DLG2: variants seen among roughly 807,000 people sequenced by gnomAD.
The protein encoded by DLG2 is disks large homolog 2.
A neutral mutation model predicts 132.5 loss-of-function variants in DLG2; 45 were observed. That is an observed-to-expected ratio of 0.34 (90% CI 0.27 to 0.44). DLG2 has a LOEUF of 0.44. Among genes scored for constraint, DLG2 ranks in the 20% least tolerant of loss-of-function variants. DLG2 has a pLI of 1.00. For missense variants in DLG2, 1,045 were observed against 1,196.9 expected (o/e 0.87, Z 1.87); for synonymous variants, 424 against 419.6 (o/e 1.01, Z -0.13).
intron 5 of DLG2, among the ~76,000 whole-genome samples, chr11:85,141,298 T>C (rs1938618061): frequency 2.6e-5 from 4 of 151,910 alleles, no homozygotes; most frequent in Admixed American, 2.6e-4. Flanking sequence ...GTTGTTTTGA[T>C]TTGCATTTCT....
chr11:83,771,067 C>T (rs988956216), intron 18 of DLG2, among the ~76,000 whole-genome samples: 6 of 152,176 alleles, frequency 3.9e-5, no homozygotes, highest in Non-Finnish European at 7.3e-5. Context: ...CACACCCCTC[C>T]CAATAATCTT....
intron 8 of DLG2, among the ~76,000 whole-genome samples, chr11:84,213,763 G>A (rs2096789891): frequency 6.8e-6 from 1 of 147,304 alleles, no homozygotes; most frequent in South Asian, 2.2e-4. Context: ...AGCTTGCAGT[G>A]AGCCGAGACC....
intron 11 of DLG2, among the ~76,000 whole-genome samples, chr11:84,047,345 C>T (rs530620944): frequency 4.0e-5 from 6 of 151,478 alleles, no homozygotes; most frequent in Non-Finnish European, 5.9e-5. Flanking sequence ...AATTAGATGC[C>T]GATACATACC....
At chr11:84,229,044 C>A (rs755598205) in intron 8 of DLG2, among the ~76,000 whole-genome samples, 1 of 152,238 alleles carries the variant, frequency 6.6e-6, no homozygotes, top group Middle Eastern at 3.4e-3. Flanking sequence ...CATATGTACT[C>A]TATAGATGCT....
chr11:85,468,033 T>C (rs1022324242), intron 3 of DLG2, among the ~76,000 whole-genome samples: 2 of 152,206 alleles, frequency 1.3e-5, no homozygotes, highest in African/African-American at 2.4e-5. Flanking sequence ...CCTGGTTTAG[T>C]CTTGGGAGGG....
At chr11:84,257,559 CT>C (rs1567091174) in intron 7 of DLG2, among the ~76,000 whole-genome samples, 2 of 152,186 alleles carry the variant, frequency 1.3e-5, no homozygotes, top group South Asian at 4.1e-4. Context: ...GGTTAAATAA[CT>C]TTCTCAAAGT....
chr11:83,868,174 C>T (rs1401327306), intron 16 of DLG2, among the ~76,000 whole-genome samples: 1 of 152,140 alleles, frequency 6.6e-6, no homozygotes, highest in South Asian at 2.1e-4. Context: ...GATCTATCTC[C>T]CCCACCCAGG....
intron 17 of DLG2, among the ~76,000 whole-genome samples, chr11:83,805,742 CCCTA>C (rs1189487546): frequency 6.6e-6 from 1 of 152,106 alleles, no homozygotes; most frequent in African/African-American, 2.4e-5. Flanking sequence ...AATTTCTTAG[CCCTA>C]TATTTAAGCC....
At chr11:84,889,528 G>T (rs768832855) in intron 6 of DLG2, among the ~76,000 whole-genome samples, 1 of 152,082 alleles carries the variant, frequency 6.6e-6, no homozygotes, top group African/African-American at 2.4e-5. Flanking sequence ...TATAGACAAG[G>T]AACTGTCTGA....
At chr11:83,864,298 C>T (rs2061928605) in intron 16 of DLG2, among the ~76,000 whole-genome samples, 1 of 152,230 alleles carries the variant, frequency 6.6e-6, no homozygotes, top group South Asian at 2.1e-4. Context: ...TAATTTTCAA[C>T]ATTCTGTCAC....
intron 7 of DLG2, among the ~76,000 whole-genome samples, chr11:84,352,453 T>C (rs2098582600): frequency 1.3e-5 from 2 of 152,228 alleles, no homozygotes; most frequent in South Asian, 4.1e-4. Context: ...CCAAGTGAAA[T>C]GATGAAGTTG....
chr11:85,613,853 T>G (rs1409009139), intron 2 of DLG2, among the ~76,000 whole-genome samples: 1 of 152,224 alleles, frequency 6.6e-6, no homozygotes, highest in Non-Finnish European at 1.5e-5. Context: ...ACTCTTTGGG[T>G]ATGTGCCACC....
intron 2 of DLG2, among the ~76,000 whole-genome samples, chr11:85,612,870 TAAC>T (rs1286503755): frequency 6.6e-6 from 1 of 152,102 alleles, no homozygotes; most frequent in African/African-American, 2.4e-5. Context: ...TTGCAAGAAA[TAAC>T]AAAATCTATC....
chr11:84,136,934 C>A (rs1445321647), intron 9 of DLG2, among the ~76,000 whole-genome samples: 1 of 152,030 alleles, frequency 6.6e-6, no homozygotes, highest in Non-Finnish European at 1.5e-5. Flanking sequence ...GGGATTCTGG[C>A]CTATTCAAGG....
At chr11:84,458,457 A>G (rs1003403114) in intron 7 of DLG2, among the ~76,000 whole-genome samples, 1 of 150,818 alleles carries the variant, frequency 6.6e-6, no homozygotes, top group African/African-American at 2.4e-5. Flanking sequence ...ATCTTTGCCA[A>G]ATTGATAGCT....
chr11:85,401,327 T>G (rs895622599), intron 3 of DLG2, among the ~76,000 whole-genome samples: 21 of 152,128 alleles, frequency 1.4e-4, no homozygotes, highest in African/African-American at 4.8e-4. Context: ...TAGGTGTTGA[T>G]GGAACGTATC....
intron 4 of DLG2, among the ~76,000 whole-genome samples, chr11:85,192,824 A>C (rs2080705500): frequency 6.6e-6 from 1 of 152,180 alleles, no homozygotes; most frequent in South Asian, 2.1e-4. Context: ...CGGTAATAGC[A>C]TGCACTCCAT....
Position 84,443,213 on chromosome 11 carries a change from A to G in DLG2, c.519+91357T>C, listed in dbSNP as rs189187562. Among the ~76,000 whole-genome samples the G allele has an allele frequency of 1.1e-4, 17 of 152,318 alleles. 1 individual carries two copies. In the East Asian group the frequency reaches 3.3e-3, roughly 29 times the overall value. On this transcript the variant is annotated intron_variant, in intron 7 of 27. Transcript: ENST00000376104. ...ATAACATACTTGGCATCAGAAATGT[A>G]AAGAACCTAATGTAACATTTACCTT...
intron 6 of DLG2, among the ~76,000 whole-genome samples, chr11:84,815,986 A>G (rs2077047192): frequency 6.6e-6 from 1 of 152,032 alleles, no homozygotes; most frequent in African/African-American, 2.4e-5. Flanking sequence ...GTTTGCTGCA[A>G]ACAACTTTCA....
Sources: allele counts gnomAD v4.1 joint callset (sites outside exome capture counted in the v4.1 genomes callset), GRCh38; gene constraint gnomAD v4.1.1; transcripts MANE v1.5; gene names NCBI Gene and HGNC (gene_info 2026-07-23, HGNC 2026-07-21).